Variants in SYT13 observed in about 807,000 individuals in gnomAD.
SYT13 encodes synaptotagmin 13.
SYT13 carries 21 observed loss-of-function variants against 38.6 expected under a neutral mutation model. That is an observed-to-expected ratio of 0.54 (90% confidence interval 0.39 to 0.78). The LOEUF (loss-of-function observed/expected upper bound fraction) is 0.78, where lower values mean the gene tolerates loss of function less well. SYT13 is among the 30% of genes least tolerant of loss of function. SYT13 has a pLI of 0.00. For synonymous variants in SYT13, 241 were observed against 237.6 expected (o/e 1.01, Z -0.13); for missense variants, 495 against 548.7 (o/e 0.90, Z 0.98).
rs764951424 is a variant in SYT13 at position 45,243,987 on chromosome 11, C to T, written c.*65G>A. On this transcript the variant is annotated 3_prime_UTR_variant, in exon 6 of 6. Transcript: ENST00000020926. ...CTGGGTGTCAGAATGAGGAAAGGGGCACAGAAAGGAGGTTGCAGAGGACGG... is the reference window on the plus strand; with the variant it reads ...CTGGGTGTCAGAATGAGGAAAGGGGTACAGAAAGGAGGTTGCAGAGGACGG... The T allele has an allele frequency of 9.8e-5, 145 of 1,484,922 alleles. No individual in the cohort carries two copies. Among genetic ancestry groups the T allele is most frequent in the Non-Finnish European group, 1.3e-4 (143 of 1,108,658 alleles). The allele number at this position is 1,484,922 out of a possible 1,614,324, so 92.0% of individuals were successfully genotyped here. A position where few individuals can be genotyped will look rare whatever the true frequency, so the allele number is the denominator to read the frequency against.
chr11:45,259,644 C>T (rs1854792392), intron 1 of SYT13, among the ~76,000 whole-genome samples: 1 of 152,190 alleles, frequency 6.6e-6, no homozygotes, highest in African/African-American at 2.4e-5. Flanking sequence ...TGTCTAGGTT[C>T]CATCCCATCC....
At chr11:45,277,894 G>C (rs1855028427) in intron 1 of SYT13, among the ~76,000 whole-genome samples, 1 of 152,118 alleles carries the variant, frequency 6.6e-6, no homozygotes, top group South Asian at 2.1e-4. Flanking sequence ...ATAAACTCTG[G>C]TTTGCCCCAT....
intron 1 of SYT13, among the ~76,000 whole-genome samples, chr11:45,270,623 CTT>C (rs1854938044): frequency 6.6e-6 from 1 of 152,162 alleles, no homozygotes; most frequent in South Asian, 2.1e-4. Flanking sequence ...CTCTTTCACA[CTT>C]TTGCATTTTG....
In SYT13 at chr11:45,244,970, A is replaced by C. The variant is rs540318998; in HGVS notation, c.977-614T>G. On this transcript the variant is annotated intron_variant, in intron 5 of 5. Transcript: ENST00000020926. Reference sequence around the variant, plus strand: ...TGGATTTTAAACTCAGACCAGAAAAATGAAGCCAGCTCCCAACTCTTCATC... The same window carrying C: ...TGGATTTTAAACTCAGACCAGAAAACTGAAGCCAGCTCCCAACTCTTCATC... 1.3e-3 allele frequency among the ~76,000 whole-genome samples: 197 copies of C among 152,316 alleles called. 1 individual carries two copies. The highest frequency in any genetic ancestry group is 2.0e-3 in the Non-Finnish European group (138 of 68,018).
chr11:45,280,406 C>T (rs942945306), intron 1 of SYT13, among the ~76,000 whole-genome samples: 1 of 152,074 alleles, frequency 6.6e-6, no homozygotes, highest in African/African-American at 2.4e-5. Context: ...TTGAATATGG[C>T]CCCAAAGTCC....
intron 1 of SYT13, among the ~76,000 whole-genome samples, chr11:45,264,626 C>T (rs1854860346): frequency 6.6e-6 from 1 of 152,166 alleles, no homozygotes; most frequent in South Asian, 2.1e-4. Flanking sequence ...GATTCTGAGC[C>T]AAAGGACCTA....
chr11:45,255,007 T>C (rs1418894316), intron 2 of SYT13, among the ~76,000 whole-genome samples: 3 of 151,888 alleles, frequency 2.0e-5, no homozygotes, highest in Admixed American at 6.6e-5. Context: ...TCCTAGGTAC[T>C]CAGGAGGCCG....
At chr11:45,276,510 A>G (rs900477269) in intron 1 of SYT13, among the ~76,000 whole-genome samples, 2 of 152,156 alleles carry the variant, frequency 1.3e-5, no homozygotes, top group South Asian at 2.1e-4. Context: ...GCAGCAAACC[A>G]TCATGGCACA....
At chr11:45,269,111 C>T (rs189813942) in intron 1 of SYT13, among the ~76,000 whole-genome samples, 12 of 152,132 alleles carry the variant, frequency 7.9e-5, no homozygotes, top group Admixed American at 2.6e-4. Context: ...TTCATAGAGA[C>T]GCTGACTTTG....
intron 1 of SYT13, among the ~76,000 whole-genome samples, chr11:45,259,239 TACTGTC>T (rs1854787749): frequency 6.6e-6 from 1 of 152,160 alleles, no homozygotes; most frequent in African/African-American, 2.4e-5. Flanking sequence ...AGTCACCCTC[TACTGTC>T]ACTTGGTTGG....
rs751358737 is a variant in SYT13, at chr11:45,246,424, T to C, written c.935A>G (p.Lys312Arg). ...CTTGGACTGGTTAGAGTGGAGGTTC[T>C]TGGCTTTAATCAGCACCACCAGGAG... is the stretch of plus-strand genomic sequence containing the variant. ...NRLLVVLIKA[K>R]NLHSNQSKEL... The change falls in exon 5 of 6, where the codon AAG becomes AGG. Residue 312 changes from lysine to arginine, a missense_variant. Transcript: ENST00000020926. 1 of 1,614,122 alleles carries C rather than the reference T, an allele frequency of 6.2e-7. No homozygotes were observed.
At chr11:45,256,446 C>T (rs1053680236) in intron 1 of SYT13, among the ~76,000 whole-genome samples, 1 of 152,188 alleles carries the variant, frequency 6.6e-6, no homozygotes, top group Non-Finnish European at 1.5e-5. Flanking sequence ...CCTAACTTTT[C>T]CTCCCAAACT....
chr11:45,245,036 A>T (rs1854598220), intron 5 of SYT13, among the ~76,000 whole-genome samples: 1 of 152,218 alleles, frequency 6.6e-6, no homozygotes, highest in Non-Finnish European at 1.5e-5. Flanking sequence ...TGTTATCAAA[A>T]TAGGAGATCC....
intron 1 of SYT13, among the ~76,000 whole-genome samples, chr11:45,259,881 C>A (rs957768189): frequency 1.3e-5 from 2 of 152,226 alleles, no homozygotes; most frequent in South Asian, 2.1e-4. Context: ...ACAGAAAGAA[C>A]CTGTGTCCTT....
chr11:45,262,721 T>TCTCA (rs532630805), intron 1 of SYT13, among the ~76,000 whole-genome samples: 23 of 78,266 alleles, frequency 2.9e-4, no homozygotes, highest in East Asian at 1.6e-3. Flanking sequence ...GGAGATCCTA[T>TCTCA]CACACACACA....
chr11:45,277,728 T>C (rs909491232), intron 1 of SYT13, among the ~76,000 whole-genome samples: 5 of 152,174 alleles, frequency 3.3e-5, no homozygotes, highest in Non-Finnish European at 7.3e-5. Flanking sequence ...CTTCTCCAAC[T>C]CTAGCTCGCA....
chr11:45,244,125 T>C lies in SYT13; in HGVS notation c.1208A>G (p.Glu403Gly), dbSNP rs1297503915. 2.5e-6 allele frequency: 4 copies of C among 1,613,026 alleles called. No individual in the cohort carries two copies. Among genetic ancestry groups the C allele is most frequent in the Non-Finnish European group, 3.4e-6 (4 of 1,179,808 alleles). The change falls in exon 6 of 6, where the codon GAG (glutamate) becomes GGG (glycine). Residue 403 changes from glutamate to glycine, a missense_variant. Transcript: ENST00000020926. ...GAGCATCTCCTCCCAGTGGCTGCGC[T>C]CAGAGCCCGAGGTGTGCAGGCCCAG... ...CSLGLHTSGS[E>G]RSHWEEMLKN...
intron 1 of SYT13, among the ~76,000 whole-genome samples, chr11:45,280,075 C>T (rs1037391287): frequency 2.6e-5 from 4 of 152,180 alleles, no homozygotes; most frequent in Admixed American, 2.6e-4. Flanking sequence ...CTTTCCATTG[C>T]CATATCCCAA....
intron 1 of SYT13, among the ~76,000 whole-genome samples, chr11:45,283,742 T>C (rs1053367393): frequency 2.0e-5 from 3 of 152,206 alleles, no homozygotes; most frequent in Non-Finnish European, 4.4e-5. Flanking sequence ...AGCTTGCACA[T>C]GGTTACAAAG....
Sources: gnomAD v4.1 joint callset for allele counts (sites outside exome capture counted in the v4.1 genomes callset) on GRCh38, gnomAD v4.1.1 for gene constraint, MANE v1.5 for transcripts, NCBI Gene and HGNC (gene_info 2026-07-23, HGNC 2026-07-21) for gene names.